Variants in BMX observed in about 807,000 individuals in gnomAD.
The protein encoded by BMX is BMX non-receptor tyrosine kinase.
In BMX, 31 loss-of-function variants were observed where a neutral mutation model predicts 59.2. The ratio of observed to expected loss-of-function variants is 0.52; its 90% CI spans 0.39 to 0.71. BMX has a LOEUF of 0.71. Among genes scored for constraint, BMX ranks in the 30% least tolerant of loss-of-function variants. BMX has a pLI of 0.00. For synonymous variants in BMX, 185 were observed against 181.0 expected (o/e 1.02, Z -0.18); for missense variants, 474 against 491.7 (o/e 0.96, Z 0.34).
At chrX:15,532,161 A>G (rs1208429107) in intron 11 of BMX, among the ~76,000 whole-genome samples, 2 of 110,935 alleles carry the variant, frequency 1.8e-5, no homozygotes, top group Admixed American at 9.6e-5. Flanking sequence ...ACTTACTATT[A>G]TTGTTGTTGT....
intron 14 of BMX, among the ~76,000 whole-genome samples, chrX:15,537,658 T>C (rs113848176): frequency 0.08 from 8,927 of 110,914 alleles, 351 homozygotes; most frequent in Middle Eastern, 0.15. Context: ...TCAGTAGTTA[T>C]GTACAGACAC....
intron 18 of BMX, among the ~76,000 whole-genome samples, chrX:15,550,414 A>C (rs1048606112): frequency 9.0e-6 from 1 of 110,687 alleles, no homozygotes; most frequent in African/African-American, 3.3e-5. Flanking sequence ...GTAGAAAATA[A>C]GTAGCAGAAA....
chrX:15,544,228 T>G (rs1432202889), intron 16 of BMX, among the ~76,000 whole-genome samples: 1 of 110,909 alleles, frequency 9.0e-6, no homozygotes, highest in Non-Finnish European at 1.9e-5. Context: ...TCTCCAAAAT[T>G]CAGTGTTAGG....
At chrX:15,540,878 T>C (rs1190760801) in intron 14 of BMX, among the ~76,000 whole-genome samples, 2 of 110,898 alleles carry the variant, frequency 1.8e-5, no homozygotes, top group African/African-American at 6.6e-5. Context: ...AAAGAGTAAT[T>C]GGAGTTGCTA....
intron 14 of BMX, among the ~76,000 whole-genome samples, chrX:15,540,768 A>C (rs1925631569): frequency 8.9e-6 from 1 of 111,745 alleles, no homozygotes; most frequent in Admixed American, 9.5e-5. Flanking sequence ...GTTTGTTTGT[A>C]CAATGGATCA....
rs754746114 is a variant in BMX, at chrX:15,525,324, AAAAG to A, written c.797_800del (p.Arg266MetfsTer2). On this transcript the variant is annotated frameshift_variant, in exon 8 of 19. Transcript: ENST00000348343. LOFTEE classifies it high-confidence loss of function. ...GTGAAGATGTTGCAAGCAGTAACCA[AAAAG>A]AAAGAAATGTGAATCACACCACCTC... is the stretch of plus-strand genomic sequence containing the variant. The A allele has an allele frequency of 8.3e-7, 1 of 1,210,576 alleles. No homozygotes were observed. The highest frequency in any genetic ancestry group is 1.1e-6 in the Non-Finnish European group (1 of 894,594).
chrX:15,555,814 CTT>C (rs1250887455), intron 18 of BMX, among the ~76,000 whole-genome samples: 2 of 111,818 alleles, frequency 1.8e-5, no homozygotes, highest in Non-Finnish European at 3.8e-5. Context: ...AATAAAGAGA[CTT>C]TTTCTTTTCC....
At chrX:15,510,109 G>T (rs1923897336) in intron 3 of BMX, among the ~76,000 whole-genome samples, 1 of 111,787 alleles carries the variant, frequency 8.9e-6, no homozygotes, top group Non-Finnish European at 1.9e-5. Flanking sequence ...AGATAGCCTG[G>T]AGAGGTGACC....
In BMX at chrX:15,532,026, C is replaced by T. The variant is rs146601144; in HGVS notation, c.1019+619C>T. 1.3e-3 allele frequency among the ~76,000 whole-genome samples: 144 copies of T among 112,114 alleles called. 1 individual carries two copies. The East Asian group carries it at 0.035, about 27-fold the overall frequency. On this transcript the variant is annotated intron_variant, in intron 11 of 18. Coordinates refer to ENST00000348343, the MANE Select transcript of BMX (RefSeq NM_203281.3). ...TTGAGCAAGTTTCTCAGCCTCTGTG[C>T]CTCAACTTCTTCATTTGAAAGGGGA...
chrX:15,506,176 G>GGCAT (rs1923734903), intron 1 of BMX, among the ~76,000 whole-genome samples: 1 of 111,239 alleles, frequency 9.0e-6, no homozygotes, highest in Non-Finnish European at 1.9e-5. Flanking sequence ...TGGGGTTACA[G>GGCAT]GCATGAGACA....
chrX:15,532,557 G>A (rs1477824910), intron 11 of BMX, among the ~76,000 whole-genome samples: 2 of 111,625 alleles, frequency 1.8e-5, no homozygotes, highest in South Asian at 3.7e-4. Context: ...ATATTGATTC[G>A]GATCTTCTTT....
At chrX:15,550,365 C>T (rs1216927103) in intron 18 of BMX, among the ~76,000 whole-genome samples, 3 of 110,812 alleles carry the variant, frequency 2.7e-5, no homozygotes, top group African/African-American at 9.9e-5. Flanking sequence ...CTAGTGCCAG[C>T]GTCCCTGTTC....
rs997149014 is a variant in BMX at position 15,500,869 on chromosome X, C to T, written c.-81C>T. On this transcript the variant is annotated 5_prime_UTR_variant, in exon 1 of 19. Coordinates refer to ENST00000348343, the MANE Select transcript of BMX (RefSeq NM_203281.3). ...AATTTGCTTCTGGAAACAGGACAGC[C>T]GGGGCCGTGTTCCTGCAACAGCAGA... 6.6e-6 allele frequency: 5 copies of T among 751,945 alleles called. No individual in the cohort carries two copies. Among genetic ancestry groups the T allele is most frequent in the South Asian group, 6.8e-5 (1 of 14,642 alleles). 62.0% of individuals were successfully genotyped at this position (751,945 alleles called of 1,213,427 possible).
intron 10 of BMX, among the ~76,000 whole-genome samples, chrX:15,530,467 C>T (rs1925011624): frequency 9.0e-6 from 1 of 111,644 alleles, no homozygotes; most frequent in South Asian, 3.7e-4. Context: ...ATGGTGATCT[C>T]AAGGCAGTAG....
At chrX:15,545,692 C>G (rs951589247) in intron 16 of BMX, among the ~76,000 whole-genome samples, 5 of 111,521 alleles carry the variant, frequency 4.5e-5, no homozygotes, top group African/African-American at 1.6e-4. Flanking sequence ...GACTGCCGTT[C>G]CCTGGCACCA....
intron 12 of BMX, 109 bp from the exon 13 acceptor site, chrX:15,536,244 T>G (rs1375921339): frequency 1.3e-6 from 1 of 747,585 alleles, no homozygotes; most frequent in East Asian, 3.3e-5. Flanking sequence ...CATTCTGAAC[T>G]CTTTGCTTTT....
At chrX:15,538,169 C>T (rs1473206526) in intron 14 of BMX, among the ~76,000 whole-genome samples, 2 of 108,902 alleles carry the variant, frequency 1.8e-5, no homozygotes, top group African/African-American at 6.7e-5. Context: ...CTCTCTTTCT[C>T]TCTCCCTCTC....
At chrX:15,508,605 A>T (rs748699687) in intron 2 of BMX, 114 bp downstream of exon 2, 359 of 503,324 alleles carry the variant, frequency 7.1e-4, no homozygotes, top group Non-Finnish European at 1.0e-3. Flanking sequence ...CACTGTGAAG[A>T]TCCTCTTCTA....
rs372808714 is a variant in BMX, at chrX:15,542,008, A to G, written c.1421A>G (p.Lys474Arg). The change falls in exon 15 of 19, where the codon AAA becomes AGA. Residue 474 changes from lysine (K) to arginine (R), a missense_variant. Physicochemically the swap from Lys to Arg is conservative, Grantham distance 26 (BLOSUM62 2). Coordinates refer to ENST00000348343, the MANE Select transcript of BMX (RefSeq NM_203281.3). ...MMKLSHPKLV[K>R]FYGVCSKEYP... The stretch of plus-strand genomic sequence containing the variant: ...AAACTCAGCCATCCCAAGCTGGTTA[A>G]ATTCTATGGAGTGTGTTCAAAGGAA... 9.1e-6 allele frequency: 11 copies of G among 1,208,649 alleles called. No individual in the cohort carries two copies. Among genetic ancestry groups the G allele is most frequent in the Non-Finnish European group, 1.2e-5 (11 of 894,944 alleles).
Sources: gnomAD v4.1 joint callset for allele counts (sites outside exome capture counted in the v4.1 genomes callset) on GRCh38, gnomAD v4.1.1 for gene constraint, MANE v1.5 for transcripts, NCBI Gene and HGNC (gene_info 2026-07-23, HGNC 2026-07-21) for gene names.